VAMP4: variants seen among roughly 807,000 people sequenced by gnomAD.
The protein encoded by VAMP4 is vesicle associated membrane protein 4.
In VAMP4, 19 loss-of-function variants were observed where a neutral mutation model predicts 23.5. The ratio of observed to expected loss-of-function variants is 0.81; its 90% CI spans 0.56 to 1.19. The LOEUF (loss-of-function observed/expected upper bound fraction) is 1.19, where lower values mean the gene tolerates loss of function less well. Ranked by LOEUF, VAMP4 falls within the 50% of genes most tolerant of loss-of-function variation. VAMP4 has a pLI of 0.00. For synonymous variants in VAMP4, 31 were observed against 51.0 expected (o/e 0.61, Z 1.67); for missense variants, 145 against 168.6 (o/e 0.86, Z 0.78).
intron 2 of VAMP4, among the ~76,000 whole-genome samples, chr1:171,728,840 CT>C (rs1655461003): frequency 6.6e-6 from 1 of 152,168 alleles, no homozygotes; most frequent in South Asian, 2.1e-4. Context: ...GAGTGAGGAA[CT>C]GCAGGTAGTC....
At chr1:171,740,570 T>C (rs1655892673) in intron 1 of VAMP4, among the ~76,000 whole-genome samples, 2 of 152,238 alleles carry the variant, frequency 1.3e-5, no homozygotes, top group Non-Finnish European at 2.9e-5. Context: ...GGTTCCACAA[T>C]ATTTCTGTCA....
chr1:171,737,196 G>A (rs1655772206), intron 2 of VAMP4, among the ~76,000 whole-genome samples: 2 of 152,182 alleles, frequency 1.3e-5, no homozygotes, highest in Admixed American at 6.5e-5. Context: ...CACAGACTAT[G>A]TCTTCCAATT....
At chr1:171,738,612 C>T in intron 1 of VAMP4, 149 bp from the exon 2 acceptor site, 1 of 577,650 alleles carries the variant, frequency 1.7e-6, no homozygotes, top group South Asian at 2.3e-5. Flanking sequence ...ACTCCAGTGA[C>T]TGGGGCCTCC....
chr1:171,733,477 A>G (rs1463634911), intron 2 of VAMP4, among the ~76,000 whole-genome samples: 1 of 152,058 alleles, frequency 6.6e-6, no homozygotes, highest in Non-Finnish European at 1.5e-5. Context: ...TAATGATAAT[A>G]GTAATAGTAA....
chr1:171,706,344 GTAA>G lies in VAMP4; in HGVS notation c.397+20_397+22del, dbSNP rs777504847. 6.3e-5 allele frequency: 101 copies of G among 1,595,144 alleles called. No homozygotes were observed. The highest frequency in any genetic ancestry group is 1.7e-4 in the Middle Eastern group (1 of 5,960). ...TCCAAAATAAATGATACCCTAGGAAGTAATAATCCAATAAATACTTACTGATAA... is the reference window on the plus strand; with the variant it reads ...TCCAAAATAAATGATACCCTAGGAAGTAATCCAATAAATACTTACTGATAA... On this transcript the variant is annotated intron_variant, in intron 7 of 7. Coordinates refer to ENST00000236192, the MANE Select transcript of VAMP4 (RefSeq NM_003762.5).
chr1:171,710,659 A>G, intron 5 of VAMP4, 55 bp downstream of exon 5: 1 of 1,394,652 alleles, frequency 7.2e-7, no homozygotes, highest in Non-Finnish European at 9.9e-7. Flanking sequence ...GACAAGTAGA[A>G]GACAAAAACT....
intron 2 of VAMP4, among the ~76,000 whole-genome samples, chr1:171,731,268 G>C (rs1005688982): frequency 6.6e-6 from 1 of 152,086 alleles, no homozygotes; most frequent in South Asian, 2.1e-4. Context: ...GCCTGTTGTG[G>C]GGTGGGGAGA....
chr1:171,705,655 C>T (rs914966214), intron 7 of VAMP4, among the ~76,000 whole-genome samples: 1 of 152,102 alleles, frequency 6.6e-6, no homozygotes, highest in African/African-American at 2.4e-5. Flanking sequence ...ATAATGAGGA[C>T]TGACTGTATT....
intron 4 of VAMP4, 59 bp downstream of exon 4, chr1:171,719,112 G>A (rs1285190451): frequency 1.3e-6 from 2 of 1,506,504 alleles, no homozygotes; most frequent in East Asian, 2.3e-5. Flanking sequence ...GCTGCAGTTT[G>A]CCAATCTCTA....
In VAMP4 at chr1:171,701,737, A is replaced by G. The variant is rs535884503; in HGVS notation, c.*2769T>C. On this transcript the variant is annotated 3_prime_UTR_variant, in exon 8 of 8. Transcript: ENST00000236192. ...ATTCCATCTTCAGTAATGAACTTTT[A>G]TCTAATTAAGAAATCCCCCAGTTTA... The G allele has an allele frequency of 6.6e-6, 1 of 152,268 alleles. No homozygotes were observed. Among genetic ancestry groups the G allele is most frequent in the Non-Finnish European group, 1.5e-5 (1 of 67,982 alleles). The allele number at this position is 152,268 out of a possible 1,614,324, so 9.4% of individuals were successfully genotyped here. A position where few individuals can be genotyped will look rare whatever the true frequency, so the allele number is the denominator to read the frequency against.
chr1:171,726,025 A>G (rs1275240280), intron 3 of VAMP4, among the ~76,000 whole-genome samples: 5 of 150,790 alleles, frequency 3.3e-5, no homozygotes, highest in Non-Finnish European at 5.9e-5. Context: ...TTTCACTTGG[A>G]AAAAAACCCA....
At chr1:171,709,765 A>G in intron 5 of VAMP4, 21 bp from the exon 6 acceptor site, 1 of 1,581,752 alleles carries the variant, frequency 6.3e-7, no homozygotes, top group Non-Finnish European at 8.7e-7. Context: ...TAGAGGATGG[A>G]GAGAAGGATT....
intron 2 of VAMP4, among the ~76,000 whole-genome samples, chr1:171,734,267 CAA>C (rs35870022): frequency 1.3e-5 from 1 of 79,656 alleles, no homozygotes. Flanking sequence ...GACTCCGTCT[CAA>C]AAAAAAAAAA....
chr1:171,710,966 C>T (rs1400878351), intron 4 of VAMP4, 152 bp from the exon 5 acceptor site: 1 of 568,446 alleles, frequency 1.8e-6, no homozygotes. Flanking sequence ...AATGTTCTTC[C>T]ATTTGTGGGC....
intron 2 of VAMP4, among the ~76,000 whole-genome samples, chr1:171,737,940 T>A (rs776597890): frequency 6.6e-6 from 1 of 151,858 alleles, no homozygotes; most frequent in East Asian, 1.9e-4. Flanking sequence ...GATTAGAATA[T>A]AGTCATAAGC....
rs6665590 is a variant in VAMP4, at chr1:171,721,934, C to T, written c.114-2713G>A. Among the ~76,000 whole-genome samples the T allele has an allele frequency of 9.1e-4, 139 of 152,066 alleles. 1 individual carries two copies. In the South Asian group the frequency reaches 0.027, roughly 30 times the overall value. On this transcript the variant is annotated intron_variant, in intron 3 of 7. Coordinates refer to ENST00000236192, the MANE Select transcript of VAMP4 (RefSeq NM_003762.5). The stretch of plus-strand genomic sequence containing the variant: ...AAGTTCATATGGAACCAAAAAAGAG[C>T]CCACATTGCCAAGACAATCCTAAGC...
chr1:171,704,649 G>A, intron 7 of VAMP4, 115 bp from the exon 8 acceptor site: 2 of 740,000 alleles, frequency 2.7e-6, no homozygotes, highest in Non-Finnish European at 3.9e-6. Context: ...AATGAGGATT[G>A]ACTGAACTTT....
chr1:171,707,028 AC>A (rs1171105009), intron 6 of VAMP4, among the ~76,000 whole-genome samples: 1 of 152,178 alleles, frequency 6.6e-6, no homozygotes, highest in Non-Finnish European at 1.5e-5. Context: ...ATTTTAAAAC[AC>A]CTCAATGAAT....
intron 3 of VAMP4, 33 bp downstream of exon 3, chr1:171,728,491 T>C (rs1655446680): frequency 1.2e-5 from 18 of 1,485,428 alleles, no homozygotes; most frequent in Non-Finnish European, 1.4e-5. Context: ...GTATGTCAAT[T>C]ACACCCTAAT....
Sources: gnomAD v4.1 joint callset for allele counts (sites outside exome capture counted in the v4.1 genomes callset) on GRCh38, gnomAD v4.1.1 for gene constraint, MANE v1.5 for transcripts, NCBI Gene and HGNC (gene_info 2026-07-23, HGNC 2026-07-21) for gene names.